Variants in HS3ST4 observed in about 807,000 individuals in gnomAD.
HS3ST4 encodes heparan sulfate glucosamine 3-O-sulfotransferase 4.
In HS3ST4, 17 loss-of-function variants were observed where a neutral mutation model predicts 29.2. That is an observed-to-expected ratio of 0.58 (90% CI 0.40 to 0.87). The LOEUF is 0.87. Among genes scored for constraint, HS3ST4 ranks in the 40% least tolerant of loss-of-function variants. The pLI is 0.00. For synonymous variants in HS3ST4, 314 were observed against 285.7 expected, an observed-to-expected ratio of 1.10 and a Z score of -1.00; for missense variants, 627 against 634.5, an observed-to-expected ratio of 0.99 and a Z score of 0.13.
At chr16:25,891,343 G>T (rs183023859) in intron 1 of HS3ST4, among the ~76,000 whole-genome samples, 56 of 152,282 alleles carry the variant, frequency 3.7e-4, no homozygotes, top group African/African-American at 1.3e-3. Context: ...TACATATTCT[G>T]TGGGTCAGGC....
intron 1 of HS3ST4, among the ~76,000 whole-genome samples, chr16:26,108,056 A>G (rs765531151): frequency 6.6e-6 from 1 of 152,108 alleles, no homozygotes; most frequent in Non-Finnish European, 1.5e-5. Flanking sequence ...GTGCTAATTT[A>G]CATTCACATC....
intron 1 of HS3ST4, among the ~76,000 whole-genome samples, chr16:25,971,707 C>T (rs11864338): frequency 0.046 from 7,012 of 152,134 alleles, 207 homozygotes; most frequent in Middle Eastern, 0.065. Flanking sequence ...AGGCTAATCA[C>T]GAGGTCAGGA....
intron 1 of HS3ST4, among the ~76,000 whole-genome samples, chr16:25,938,436 A>T (rs868702147): frequency 6.6e-6 from 1 of 152,130 alleles, no homozygotes; most frequent in South Asian, 2.1e-4. Context: ...CCAGGGATCC[A>T]TGCATCTGTG....
intron 1 of HS3ST4, among the ~76,000 whole-genome samples, chr16:25,856,667 A>C (rs914429328): frequency 9.9e-5 from 15 of 152,184 alleles, no homozygotes; most frequent in African/African-American, 3.6e-4. Flanking sequence ...TCACACAAAG[A>C]AATCTCAAAA....
chr16:26,055,064 G>T (rs979770719), intron 1 of HS3ST4, among the ~76,000 whole-genome samples: 1 of 151,724 alleles, frequency 6.6e-6, no homozygotes, highest in African/African-American at 2.4e-5. Context: ...ACCCAGCACC[G>T]CCAGATCACC....
intron 1 of HS3ST4, among the ~76,000 whole-genome samples, chr16:26,062,412 C>T (rs1898486409): frequency 6.6e-6 from 1 of 152,172 alleles, no homozygotes; most frequent in Middle Eastern, 3.2e-3. Context: ...CTTGCCTGTT[C>T]TTCTCATCTA....
rs74013242 is a variant in HS3ST4 at position 26,003,141 on chromosome 16, A to G, written c.735-132471A>G. Among the ~76,000 whole-genome samples the G allele has an allele frequency of 4.5e-3, 685 of 152,282 alleles. 5 individuals carry two copies. The highest frequency in any genetic ancestry group is 0.016 in the African/African-American group (655 of 41,562). ...AGCTCCAATTGACTTGAATGAATATATTGGCTGACAGAACTAACAACCAGA... is the reference window on the plus strand; with the variant it reads ...AGCTCCAATTGACTTGAATGAATATGTTGGCTGACAGAACTAACAACCAGA... On this transcript the variant is annotated intron_variant, in intron 1 of 1. Coordinates refer to ENST00000331351, the MANE Select transcript of HS3ST4 (RefSeq NM_006040.3).
chr16:25,828,221 CCTTTCTTTCTTTCTTTCTTTCTCTTT>C (rs1967240781), intron 1 of HS3ST4, among the ~76,000 whole-genome samples: 2 of 107,086 alleles, frequency 1.9e-5, no homozygotes, highest in South Asian at 6.6e-4. Flanking sequence ...TGCTTTCTTT[CCTTTCTTTCTTTCTTTCTTTCTCTTT>C]CTTTCTTTCT....
intron 1 of HS3ST4, among the ~76,000 whole-genome samples, chr16:25,712,359 T>G (rs1177937142): frequency 6.6e-6 from 1 of 151,922 alleles, no homozygotes; most frequent in Non-Finnish European, 1.5e-5. Context: ...CCATCTCTAC[T>G]AAAAATACAA....
At chr16:25,749,087 T>C in intron 1 of HS3ST4, among the ~76,000 whole-genome samples, 1 of 152,200 alleles carries the variant, frequency 6.6e-6, no homozygotes. Flanking sequence ...ATCAGACTCT[T>C]AAATAATAAC....
At chr16:25,809,058 T>C (rs1247424094) in intron 1 of HS3ST4, among the ~76,000 whole-genome samples, 1 of 152,140 alleles carries the variant, frequency 6.6e-6, no homozygotes, top group East Asian at 1.9e-4. Flanking sequence ...ATTTTGGTTC[T>C]TCCTTTCCGA....
At chr16:25,897,714 C>T (rs918236579) in intron 1 of HS3ST4, among the ~76,000 whole-genome samples, 38 of 152,064 alleles carry the variant, frequency 2.5e-4, no homozygotes, top group African/African-American at 8.5e-4. Flanking sequence ...CTCTCCCCCT[C>T]GTTCTGCCGT....
At chr16:25,947,247 A>G (rs1968635620) in intron 1 of HS3ST4, among the ~76,000 whole-genome samples, 1 of 152,214 alleles carries the variant, frequency 6.6e-6, no homozygotes, top group Non-Finnish European at 1.5e-5. Flanking sequence ...TTTTTAGGAC[A>G]TGACCCAATA....
chr16:25,799,560 C>T (rs763546522), intron 1 of HS3ST4, among the ~76,000 whole-genome samples: 36 of 152,046 alleles, frequency 2.4e-4, no homozygotes, highest in Non-Finnish European at 4.4e-4. Flanking sequence ...TCATATTATA[C>T]CTGCTGCTCT....
chr16:25,718,272 T>C (rs1317862531), intron 1 of HS3ST4, among the ~76,000 whole-genome samples: 1 of 152,186 alleles, frequency 6.6e-6, no homozygotes, highest in African/African-American at 2.4e-5. Context: ...TGCACTGTGC[T>C]TCAGTGTGGT....
chr16:25,830,287 AC>A (rs1271169787), intron 1 of HS3ST4, among the ~76,000 whole-genome samples: 1 of 152,264 alleles, frequency 6.6e-6, no homozygotes, highest in Non-Finnish European at 1.5e-5. Flanking sequence ...TCACGATGCC[AC>A]ATTTACATTG....
intron 1 of HS3ST4, among the ~76,000 whole-genome samples, chr16:25,828,180 TTC>T (rs1195678797): frequency 3.5e-5 from 5 of 142,884 alleles, no homozygotes; most frequent in African/African-American, 7.7e-5. Flanking sequence ...CTCTCTCTCT[TTC>T]TCTTTCTTTC....
At chr16:25,961,850 G>C (rs746084721) in intron 1 of HS3ST4, among the ~76,000 whole-genome samples, 15 of 151,938 alleles carry the variant, frequency 9.9e-5, no homozygotes, top group Non-Finnish European at 2.1e-4. Flanking sequence ...TACACTTAAA[G>C]TTTCTTACTT....
chr16:25,711,713 T>C (rs1966416933), intron 1 of HS3ST4, among the ~76,000 whole-genome samples: 1 of 152,200 alleles, frequency 6.6e-6, no homozygotes, highest in Admixed American at 6.5e-5. Flanking sequence ...ACACAAACAC[T>C]CCCTGACTTT....
Sources: allele counts gnomAD v4.1 joint callset (sites outside exome capture counted in the v4.1 genomes callset), GRCh38; gene constraint gnomAD v4.1.1; transcripts MANE v1.5; gene names NCBI Gene and HGNC (gene_info 2026-07-23, HGNC 2026-07-21).